The following MASP1 variants were observed in gnomAD, a reference collection of about 807,000 sequenced individuals.
The protein encoded by MASP1 is mannan-binding lectin serine protease 1.
MASP1 carries 59 observed loss-of-function variants against 77.1 expected under a neutral mutation model. That is an observed-to-expected ratio of 0.77 (90% CI 0.62 to 0.95). MASP1 has a LOEUF of 0.95. Ranked by LOEUF, MASP1 falls within the 40% of genes least tolerant of loss-of-function variation. MASP1 has a pLI of 0.00. For synonymous variants in MASP1, 362 were observed against 354.5 expected, an observed-to-expected ratio of 1.02 and a Z score of -0.24; for missense variants, 885 against 912.9, an observed-to-expected ratio of 0.97 and a Z score of 0.39.
intron 4 of MASP1, 52 bp downstream of exon 4, chr3:187,260,689 A>G (rs908372874): frequency 6.2e-7 from 1 of 1,612,424 alleles, no homozygotes; most frequent in African/African-American, 1.3e-5. Context: ...ATCTAATGTT[A>G]TTGAGGATGT....
chr3:187,268,289 C>T (rs1411093109), intron 2 of MASP1, among the ~76,000 whole-genome samples: 3 of 151,980 alleles, frequency 2.0e-5, no homozygotes, highest in African/African-American at 7.3e-5. Context: ...CAACACCAGC[C>T]TGGGCATCAT....
chr3:187,290,558 T>C (rs1718227997), intron 1 of MASP1, among the ~76,000 whole-genome samples: 1 of 152,202 alleles, frequency 6.6e-6, no homozygotes, highest in Non-Finnish European at 1.5e-5. Context: ...AACAGAATTA[T>C]TGCACTCACT....
chr3:187,228,771 C>T (rs1712589626), intron 11 of MASP1, among the ~76,000 whole-genome samples: 1 of 152,196 alleles, frequency 6.6e-6, no homozygotes, highest in Admixed American at 6.5e-5. Flanking sequence ...CTCTTTACCT[C>T]TCTGGGGGAC....
intron 2 of MASP1, among the ~76,000 whole-genome samples, chr3:187,279,635 G>T (rs698085): frequency 6.6e-6 from 1 of 152,010 alleles, no homozygotes; most frequent in Non-Finnish European, 1.5e-5. Context: ...TGGGCTTTAC[G>T]TCTCCCCAAA....
At chr3:187,224,375 C>T (rs1395828540) in intron 13 of MASP1, among the ~76,000 whole-genome samples, 6 of 121,020 alleles carry the variant, frequency 5.0e-5, no homozygotes, top group Admixed American at 2.1e-4. Flanking sequence ...GAGACGGAGT[C>T]TCGCTCTGTC....
rs757088626 is a variant in MASP1 at position 187,262,708 on chromosome 3, C to T, written c.250G>A (p.Asp84Asn). 6.2e-7 allele frequency: 1 copy of T among 1,614,052 alleles called. No individual in the cohort carries two copies. Among genetic ancestry groups the T allele is most frequent in the South Asian group, 1.1e-5 (1 of 91,066 alleles). Residue 84 changes from aspartate to asparagine, a missense_variant, in exon 3 of 11, where the codon GAC (aspartate) becomes AAC (asparagine). Physicochemically the swap from Asp to Asn is conservative, Grantham distance 23. Transcript: ENST00000296280. ...CCACAGAAGGTTGCCAGCACCTGGT[C>T]CTCAGTTTCTACCTTTGAGGTCAAA... ...EYDYVKVETE[D>N]QVLATFCGRE...
chr3:187,250,479 T>C, intron 7 of MASP1, 150 bp from the exon 8 acceptor site: 1 of 739,688 alleles, frequency 1.4e-6, no homozygotes, highest in Non-Finnish European at 2.5e-6. Flanking sequence ...AGCTTGAAGG[T>C]AGGGGAAAGA....
intron 1 of MASP1, among the ~76,000 whole-genome samples, chr3:187,290,868 A>G (rs772191095): frequency 5.9e-5 from 9 of 152,040 alleles, no homozygotes; most frequent in Non-Finnish European, 8.8e-5. Flanking sequence ...GCAGGATAGA[A>G]CTTGTATGAA....
chr3:187,247,384 T>C lies in MASP1; in HGVS notation c.1090+2867A>G, dbSNP rs766631837. On this transcript the variant is annotated intron_variant, in intron 8 of 10. Transcript: ENST00000296280. ...GTTCGCTCTCCAGATCGATTTCATT[T>C]TCTGCCACCATGGTGAAGATCAAAG... 3.7e-6 allele frequency: 6 copies of C among 1,614,008 alleles called. No individual in the cohort carries two copies. In the African/African-American group the frequency reaches 6.7e-5, roughly 18 times the overall value.
intron 2 of MASP1, among the ~76,000 whole-genome samples, chr3:187,264,443 A>G (rs771329638): frequency 2.0e-5 from 3 of 151,784 alleles, no homozygotes; most frequent in Non-Finnish European, 4.4e-5. Flanking sequence ...TTACCTAACT[A>G]TAACTAAAAA....
At chr3:187,236,639 A>C in intron 10 of MASP1, 72 bp from the exon 11 acceptor site, 1 of 1,612,016 alleles carries the variant, frequency 6.2e-7, no homozygotes, top group East Asian at 2.2e-5. Flanking sequence ...AGGAGCCACA[A>C]AGATAAATTC....
At chr3:187,289,396 C>T (rs981081621) in intron 1 of MASP1, among the ~76,000 whole-genome samples, 12 of 151,940 alleles carry the variant, frequency 7.9e-5, no homozygotes, top group African/African-American at 2.4e-4. Flanking sequence ...AAAGGATACC[C>T]CAAGAGATGT....
At chr3:187,255,920 G>A (rs1342642156) in intron 5 of MASP1, among the ~76,000 whole-genome samples, 4 of 151,668 alleles carry the variant, frequency 2.6e-5, no homozygotes, top group African/African-American at 9.7e-5. Flanking sequence ...TTTATCCCCA[G>A]CTCAGGGTCT....
At position 187,234,663 on chromosome 3, in the gene MASP1, G is replaced by A; in HGVS notation, c.*1021C>T. The A allele has an allele frequency of 7.8e-7, 1 of 1,287,212 alleles. No homozygotes were observed. The highest frequency in any genetic ancestry group is 1.0e-6 in the Non-Finnish European group (1 of 988,688). 79.7% of individuals were successfully genotyped at this position (1,287,212 alleles called of 1,614,324 possible). A position where few individuals can be genotyped will look rare whatever the true frequency, so the allele number is the denominator to read the frequency against. On this transcript the variant is annotated 3_prime_UTR_variant, in exon 11 of 11. Transcript: ENST00000296280. Reference sequence around the variant, plus strand: ...TCCGCCCAGCTCATGCCCCAGGGATGCCAGGCAGCCTGGCAGGATTTGGGT... The same window carrying A: ...TCCGCCCAGCTCATGCCCCAGGGATACCAGGCAGCCTGGCAGGATTTGGGT...
Position 187,243,602 on chromosome 3 carries a change from T to C in MASP1, c.1110A>G (p.Pro370=). The change falls in exon 9 of 11, where the codon CCA becomes CCG. Residue 370 remains proline (P), a synonymous_variant. Transcript: ENST00000296280. ...PTCKIVDCRA[P]GELEHGLITF... is the part of the protein sequence containing the mutation. The stretch of plus-strand genomic sequence containing the variant: ...TGATCAGCCCGTGTTCCAGCTCTCC[T>C]GGGGCTCTACAGTCTACAACTGAGA... The C allele has an allele frequency of 6.2e-7, 1 of 1,614,210 alleles. No individual in the cohort carries two copies. Among genetic ancestry groups the C allele is most frequent in the South Asian group, 1.1e-5 (1 of 91,078 alleles).
At chr3:187,222,517 T>C (rs1421463157) in intron 14 of MASP1, among the ~76,000 whole-genome samples, 2 of 152,146 alleles carry the variant, frequency 1.3e-5, no homozygotes, top group African/African-American at 4.8e-5. Context: ...CCCGGTGATA[T>C]CAGAGCCAAG....
chr3:187,278,111 G>A (rs1040255166), intron 2 of MASP1, among the ~76,000 whole-genome samples: 2 of 152,082 alleles, frequency 1.3e-5, no homozygotes, highest in Non-Finnish European at 2.9e-5. Context: ...TACTTCATTT[G>A]GCATTCACAG....
intron 1 of MASP1, among the ~76,000 whole-genome samples, chr3:187,287,564 C>T (rs1717963996): frequency 1.3e-5 from 2 of 152,196 alleles, no homozygotes; most frequent in Non-Finnish European, 2.9e-5. Flanking sequence ...CAACTAGTCT[C>T]CCTGAGCCCC....
chr3:187,225,505 C>G, exon 13 of MASP1: 4 of 1,614,122 alleles, frequency 2.5e-6, no homozygotes, highest in Non-Finnish European at 3.4e-6. Context: ...GCCTCCAATG[C>G]TTGCCTGGGC....
Sources: gnomAD v4.1 joint callset for allele counts (sites outside exome capture counted in the v4.1 genomes callset) on GRCh38, gnomAD v4.1.1 for gene constraint, MANE v1.5 for transcripts, NCBI Gene and HGNC (gene_info 2026-07-23, HGNC 2026-07-21) for gene names.